Variants in SERPINB7 observed in about 807,000 individuals in gnomAD.
SERPINB7 encodes serpin B7.
In SERPINB7, 31 loss-of-function variants were observed where a neutral mutation model predicts 37.4. The observed-to-expected ratio is 0.83, with a 90% confidence interval of 0.62 to 1.12. SERPINB7 has a LOEUF of 1.12. Among genes scored for constraint, SERPINB7 ranks in the 50% most tolerant of loss-of-function variants. The pLI is 0.00. For synonymous variants in SERPINB7, 163 were observed against 166.1 expected (o/e 0.98, Z 0.14); for missense variants, 521 against 455.3 (o/e 1.14, Z -1.31).
chr18:63,782,965 C>T (rs1364583301), intron 2 of SERPINB7, among the ~76,000 whole-genome samples: 3 of 151,430 alleles, frequency 2.0e-5, no homozygotes, highest in African/African-American at 2.4e-5. Context: ...GGTGAAACCC[C>T]GTCTCTACTA....
chr18:63,756,104 CA>C (rs1399409736), intron 1 of SERPINB7, among the ~76,000 whole-genome samples: 8 of 151,680 alleles, frequency 5.3e-5, no homozygotes, highest in African/African-American at 1.9e-4. Context: ...CACACACACA[CA>C]CACACACACA....
chr18:63,759,443 T>C (rs2049140441), intron 1 of SERPINB7, among the ~76,000 whole-genome samples: 2 of 152,306 alleles, frequency 1.3e-5, no homozygotes, highest in African/African-American at 4.8e-5. Flanking sequence ...TATGTAGGTT[T>C]TTTTCCTTCC....
At chr18:63,793,437 A>G (rs2049451073) in intron 4 of SERPINB7, among the ~76,000 whole-genome samples, 160 bp downstream of exon 4, 1 of 152,144 alleles carries the variant, frequency 6.6e-6, no homozygotes, top group Non-Finnish European at 1.5e-5. Flanking sequence ...ACCATTTCCA[A>G]AGTTCAACTT....
At chr18:63,771,804 G>T (rs1417931613), upstream of SERPINB7, among the ~76,000 whole-genome samples, 1 of 151,878 alleles carries the variant, frequency 6.6e-6, no homozygotes, top group East Asian at 1.9e-4. Context: ...GGATATTTAT[G>T]AATAAGTCAA....
intron 1 of SERPINB7, among the ~76,000 whole-genome samples, chr18:63,776,937 T>A (rs192164200): frequency 1.3e-5 from 2 of 152,004 alleles, no homozygotes; most frequent in African/African-American, 2.4e-5. Context: ...TTCTAACGCA[T>A]CTCTCTCTCT....
intron 2 of SERPINB7, among the ~76,000 whole-genome samples, chr18:63,783,139 GA>G (rs766746712): frequency 2.6e-4 from 39 of 149,070 alleles, no homozygotes; most frequent in South Asian, 6.5e-4. Context: ...CTCCGTCTCA[GA>G]AAACAAACGA....
intron 1 of SERPINB7, among the ~76,000 whole-genome samples, chr18:63,764,817 T>A (rs2049172141): frequency 6.6e-6 from 1 of 152,084 alleles, no homozygotes; most frequent in Non-Finnish European, 1.5e-5. Context: ...ATTACATGTG[T>A]GTATCATCAC....
chr18:63,781,899 G>A (rs1218865993), intron 1 of SERPINB7, among the ~76,000 whole-genome samples: 2 of 152,144 alleles, frequency 1.3e-5, no homozygotes, highest in Non-Finnish European at 2.9e-5. Flanking sequence ...ATTTACAGAG[G>A]CCTTAATGGA....
intron 1 of SERPINB7, among the ~76,000 whole-genome samples, chr18:63,768,582 A>G (rs924107134): frequency 2.0e-5 from 3 of 152,118 alleles, no homozygotes; most frequent in Non-Finnish European, 4.4e-5. Flanking sequence ...ATACAATTAG[A>G]TATTTTTGTT....
intron 7 of SERPINB7, 65 bp downstream of exon 7, chr18:63,801,077 T>G: frequency 6.8e-7 from 1 of 1,478,608 alleles, no homozygotes; most frequent in Non-Finnish European, 9.3e-7. Context: ...TGATTGAGTT[T>G]TCACTGATAA....
chr18:63,754,916 G>A (rs1393225529), intron 1 of SERPINB7, among the ~76,000 whole-genome samples: 2 of 109,562 alleles, frequency 1.8e-5, no homozygotes, highest in African/African-American at 6.8e-5. Flanking sequence ...TTTTTGAGAC[G>A]GAGTCTCGCT....
intron 1 of SERPINB7, among the ~76,000 whole-genome samples, chr18:63,759,983 G>C (rs1041034593): frequency 1.7e-4 from 26 of 152,154 alleles, no homozygotes; most frequent in African/African-American, 6.0e-4. Flanking sequence ...TTGGTACCAG[G>C]AGTGGGGTGT....
At chr18:63,770,002 T>C (rs754594369) in intron 1 of SERPINB7, among the ~76,000 whole-genome samples, 2 of 150,120 alleles carry the variant, frequency 1.3e-5, no homozygotes, top group African/African-American at 2.5e-5. Flanking sequence ...CTTTGTTATC[T>C]GTGTCTGCAG....
rs375858463 is a variant in SERPINB7 at position 63,801,737 on chromosome 18, C to T, written c.744+725C>T. The stretch of plus-strand genomic sequence containing the variant: ...GTGGGGGCCAGAGGACCGGTTTAGT[C>T]ATGAGTCATGAGTCCAAGTGGAGTT... On this transcript the variant is annotated intron_variant, in intron 7 of 7. Transcript: ENST00000398019. Among the ~76,000 whole-genome samples the T allele has an allele frequency of 5.3e-5, 8 of 152,120 alleles. No homozygotes were observed. The South Asian group carries it at 8.3e-4, about 16-fold the overall frequency.
intron 1 of SERPINB7, among the ~76,000 whole-genome samples, chr18:63,766,225 C>T (rs2049179978): frequency 6.6e-6 from 1 of 152,098 alleles, no homozygotes; most frequent in Non-Finnish European, 1.5e-5. Context: ...GGAATTCTTT[C>T]GTTTGTTTTT....
intron 7 of SERPINB7, among the ~76,000 whole-genome samples, chr18:63,803,318 C>T (rs1449673329): frequency 6.6e-6 from 1 of 151,810 alleles, no homozygotes; most frequent in East Asian, 1.9e-4. Flanking sequence ...ACAAAAAATT[C>T]AAATTAGACT....
At chr18:63,781,811 A>T (rs1044395907) in intron 1 of SERPINB7, among the ~76,000 whole-genome samples, 1 of 152,244 alleles carries the variant, frequency 6.6e-6, no homozygotes, top group Non-Finnish European at 1.5e-5. Context: ...AAATTAATGC[A>T]CTTATGGGAC....
intron 6 of SERPINB7, among the ~76,000 whole-genome samples, chr18:63,800,395 G>A (rs1720855): frequency 0.12 from 18,475 of 151,388 alleles, 1,867 homozygotes; most frequent in East Asian, 0.42. Flanking sequence ...ACTAGTCTGT[G>A]TTTTACTTCT....
At chr18:63,802,689 A>G (rs1434607514) in intron 7 of SERPINB7, among the ~76,000 whole-genome samples, 1 of 152,192 alleles carries the variant, frequency 6.6e-6, no homozygotes, top group African/African-American at 2.4e-5. Context: ...GAAAATAATG[A>G]ATATTTGCTG....
Sources: allele counts gnomAD v4.1 joint callset (sites outside exome capture counted in the v4.1 genomes callset), GRCh38; gene constraint gnomAD v4.1.1; transcripts MANE v1.5; gene names NCBI Gene and HGNC (gene_info 2026-07-23, HGNC 2026-07-21).